The following SPHKAP variants were observed in gnomAD, a reference collection of about 807,000 sequenced individuals.
SPHKAP encodes the protein SPHK1 interactor, AKAP domain containing.
SPHKAP carries 67 observed loss-of-function variants against 137.5 expected under a neutral mutation model. The observed-to-expected ratio is 0.49, with a 90% CI of 0.40 to 0.60. The LOEUF (loss-of-function observed/expected upper bound fraction) is 0.60. Among genes scored for constraint, SPHKAP ranks in the 20% least tolerant of loss-of-function variants. SPHKAP has a pLI of 0.00. For missense variants in SPHKAP, 2,097 were observed against 2,069.3 expected (o/e 1.01, Z -0.26); for synonymous variants, 813 against 785.3 (o/e 1.04, Z -0.59).
At chr2:228,150,690 C>A (rs1699903630) in intron 1 of SPHKAP, among the ~76,000 whole-genome samples, 1 of 151,606 alleles carries the variant, frequency 6.6e-6, no homozygotes, top group Non-Finnish European at 1.5e-5. Flanking sequence ...GGATACCAGG[C>A]ATTTGTCAAT....
intron 7 of SPHKAP, among the ~76,000 whole-genome samples, chr2:228,006,128 A>G (rs1694119360): frequency 6.6e-6 from 1 of 152,234 alleles, no homozygotes; most frequent in Non-Finnish European, 1.5e-5. Context: ...AATATTCTGC[A>G]GAGTGTTTTC....
In SPHKAP at chr2:228,020,020, T is replaced by C. The variant is rs1432966291; in HGVS notation, c.834A>G (p.Thr278=). Residue 278 remains threonine, a synonymous_variant, in exon 7 of 12, where the codon ACA becomes ACG. Coordinates refer to ENST00000392056, the MANE Select transcript of SPHKAP (RefSeq NM_001142644.2). The part of the protein sequence containing the change: ...LEDKYINKYP[T]PLIKTERSPE... The stretch of plus-strand genomic sequence containing the variant: ...GAGATCGTTCTGTTTTAATCAATGG[T>C]GTGGGATATTTGTTGATGTATTTGT... 4 of 1,614,106 alleles carry C rather than the reference T, an allele frequency of 2.5e-6. No individual in the cohort carries two copies. The highest frequency in any genetic ancestry group is 3.4e-6 in the Non-Finnish European group (4 of 1,180,048).
At chr2:228,079,300 C>T (rs541113119) in intron 3 of SPHKAP, among the ~76,000 whole-genome samples, 3 of 152,210 alleles carry the variant, frequency 2.0e-5, no homozygotes, top group Non-Finnish European at 4.4e-5. Flanking sequence ...ATAATGCTTG[C>T]TTGCCTGCCA....
At chr2:228,129,825 C>G (rs1337122797) in intron 2 of SPHKAP, among the ~76,000 whole-genome samples, 1 of 136,788 alleles carries the variant, frequency 7.3e-6, no homozygotes, top group South Asian at 2.3e-4. Flanking sequence ...GAGACTGAGT[C>G]TTACTCTGCC....
chr2:228,061,004 A>G (rs1284421351), intron 3 of SPHKAP, among the ~76,000 whole-genome samples: 1 of 152,056 alleles, frequency 6.6e-6, no homozygotes, highest in Admixed American at 6.6e-5. Flanking sequence ...CATGAATCTC[A>G]CTGGATTTGA....
Position 228,016,865 on chromosome 2 carries a change from TCCTCTG to T in SPHKAP, c.3983_3988del (p.Ala1328_Glu1329del). On this transcript the variant is annotated inframe_deletion, in exon 7 of 12. Coordinates refer to ENST00000392056, the MANE Select transcript of SPHKAP (RefSeq NM_001142644.2). ...ACCAGAAACAGGCTCAGTGTCAGCTTCCTCTGCATCATCCACAATGATTTTGTTCTT... is the reference window on the plus strand; with the variant it reads ...ACCAGAAACAGGCTCAGTGTCAGCTTCATCATCCACAATGATTTTGTTCTT... The T allele has an allele frequency of 1.9e-6, 3 of 1,613,968 alleles. No individual in the cohort carries two copies. The highest frequency in any genetic ancestry group is 3.3e-4 in the Middle Eastern group (2 of 6,062).
intron 1 of SPHKAP, among the ~76,000 whole-genome samples, chr2:228,160,814 C>T (rs1326841228): frequency 6.6e-6 from 1 of 152,222 alleles, no homozygotes; most frequent in East Asian, 1.9e-4. Flanking sequence ...CTCAGTGTCC[C>T]TGTCCTTATA....
chr2:228,153,431 T>A (rs551821868), intron 1 of SPHKAP, among the ~76,000 whole-genome samples: 1 of 152,198 alleles, frequency 6.6e-6, no homozygotes, highest in Non-Finnish European at 1.5e-5. Context: ...ACTTTCTCAG[T>A]TTTTGTCTGT....
rs533324702 is a variant in SPHKAP at position 228,142,008 on chromosome 2, G to T, written c.33-9923C>A. Among the ~76,000 whole-genome samples, 88 of 152,234 alleles carry T rather than the reference G, an allele frequency of 5.8e-4. 1 individual carries two copies. The South Asian group carries it at 0.018, about 32-fold the overall frequency. ...TTCCGGTAGTTATGGTTCTGTGGAGGCCCTGCTTCACTTATCACAAACACC... is the reference window on the plus strand; with the variant it reads ...TTCCGGTAGTTATGGTTCTGTGGAGTCCCTGCTTCACTTATCACAAACACC... On this transcript the variant is annotated intron_variant, in intron 1 of 11. Coordinates refer to ENST00000392056, the MANE Select transcript of SPHKAP (RefSeq NM_001142644.2).
At chr2:228,007,772 C>A (rs974966623) in intron 7 of SPHKAP, among the ~76,000 whole-genome samples, 1 of 152,106 alleles carries the variant, frequency 6.6e-6, no homozygotes, top group Non-Finnish European at 1.5e-5. Context: ...CTATGATCAA[C>A]TGATTTTTGA....
Position 228,019,608 on chromosome 2 carries a change from G to C in SPHKAP, c.1246C>G (p.Gln416Glu). 1 of 1,614,110 alleles carries C rather than the reference G, an allele frequency of 6.2e-7. No individual in the cohort carries two copies. ...ACAGAAACACTGACTGCAGATTCCT[G>C]GGGTAATGTGGACTGAGATTGAGAT... ...RLSQSQSTLP[Q>E]ESAVSVSVGS... Residue 416 changes from glutamine (Q) to glutamate (E), a missense_variant, in exon 7 of 12, where the codon CAG becomes GAG. Physicochemically the swap from Gln to Glu is conservative, Grantham distance 29. Transcript: ENST00000392056.
chr2:228,009,016 G>T (rs1694254746), intron 7 of SPHKAP, among the ~76,000 whole-genome samples: 1 of 152,132 alleles, frequency 6.6e-6, no homozygotes, highest in Non-Finnish European at 1.5e-5. Flanking sequence ...AAAATAACTT[G>T]CTGGGATTTT....
chr2:228,110,058 C>T (rs10192681), intron 2 of SPHKAP, among the ~76,000 whole-genome samples: 51,933 of 150,270 alleles, frequency 0.35, 9,199 homozygotes, highest in East Asian at 0.5. Context: ...TATTAGGGTA[C>T]GTGTCTGCTA....
intron 2 of SPHKAP, among the ~76,000 whole-genome samples, chr2:228,113,308 A>G (rs1213353848): frequency 1.3e-5 from 2 of 152,126 alleles, no homozygotes; most frequent in Non-Finnish European, 2.9e-5. Flanking sequence ...CCTAACCTAC[A>G]CTATTATCTG....
chr2:228,109,506 C>T (rs1444002277), intron 2 of SPHKAP: 5 of 325,226 alleles, frequency 1.5e-5, no homozygotes, highest in Non-Finnish European at 2.2e-5. Flanking sequence ...AGAAATAGCA[C>T]GGTATGGCAA....
At chr2:228,133,201 G>A (rs1247736759) in intron 1 of SPHKAP, among the ~76,000 whole-genome samples, 12 of 151,960 alleles carry the variant, frequency 7.9e-5, no homozygotes, top group Admixed American at 6.6e-4. Context: ...CAACTACTTG[G>A]TAGGCTGAGG....
In SPHKAP at chr2:228,030,530, A is replaced by C. The variant is rs1421556550; in HGVS notation, c.247-2987T>G. Among the ~76,000 whole-genome samples, 184 of 68,748 alleles carry C rather than the reference A, an allele frequency of 2.7e-3. 3 individuals carry two copies. The highest frequency in any genetic ancestry group is 6.2e-3 in the Middle Eastern group (1 of 162). The allele number at this position is 68,748 out of a possible 152,430, so 45.1% of individuals were successfully genotyped here. On this transcript the variant is annotated intron_variant, in intron 3 of 11. Transcript: ENST00000392056. ...TACCATCTCAAAAAAAAAAAAAAAA[A>C]AACAACAAAAAACAAAAAAAAAAAA...
chr2:228,140,341 A>G (rs974579319), intron 1 of SPHKAP, among the ~76,000 whole-genome samples: 6 of 152,008 alleles, frequency 3.9e-5, no homozygotes, highest in Non-Finnish European at 7.3e-5. Context: ...TGCTAAATCT[A>G]GACTGTAGTT....
At chr2:228,024,930 G>C (rs1341402265) in intron 5 of SPHKAP, among the ~76,000 whole-genome samples, 1 of 152,088 alleles carries the variant, frequency 6.6e-6, no homozygotes, top group Non-Finnish European at 1.5e-5. Flanking sequence ...TTGGGCCCAA[G>C]ACACTCTCTT....
Sources: gnomAD v4.1 joint callset for allele counts (sites outside exome capture counted in the v4.1 genomes callset) on GRCh38, gnomAD v4.1.1 for gene constraint, MANE v1.5 for transcripts, NCBI Gene and HGNC (gene_info 2026-07-23, HGNC 2026-07-21) for gene names.